Variants in ATP8A2 observed in about 807,000 individuals in gnomAD.
ATP8A2 encodes ATPase phospholipid transporting 8A2.
A neutral mutation model predicts 165.6 loss-of-function variants in ATP8A2; 100 were observed. The observed-to-expected ratio is 0.60, with a 90% confidence interval of 0.51 to 0.71. The LOEUF (loss-of-function observed/expected upper bound fraction) is 0.71, where lower values mean the gene tolerates loss of function less well. ATP8A2 is among the 30% of genes least tolerant of loss of function. ATP8A2 has a pLI of 0.00. For missense variants in ATP8A2, 1,227 were observed against 1,479.5 expected (o/e 0.83, Z 2.80); for synonymous variants, 543 against 548.8 (o/e 0.99, Z 0.15).
At chr13:25,700,728 G>A (rs1471817607) in intron 25 of ATP8A2, among the ~76,000 whole-genome samples, 2 of 152,176 alleles carry the variant, frequency 1.3e-5, no homozygotes, top group African/African-American at 4.8e-5. Context: ...CCTAGAAATG[G>A]AGTTGCTGGG....
chr13:25,578,895 G>A lies in ATP8A2; in HGVS notation c.1863G>A (p.Thr621=), dbSNP rs377192318. Residue 621 remains threonine, a synonymous_variant, in exon 21 of 37, where the codon ACG becomes ACA. Transcript: ENST00000381655. The stretch of plus-strand genomic sequence containing the variant: ...TATGCCATCTGGAATACTTTGCCAC[G>A]GAAGGTAAGTGGAATTTGGAAATGC... ...ETLCHLEYFA[T]EGLRTLCVAY... 40 of 1,605,316 alleles carry A rather than the reference G, an allele frequency of 2.5e-5. No homozygotes were observed. The highest frequency in any genetic ancestry group is 2.1e-4 in the African/African-American group (16 of 74,770).
chr13:25,456,533 C>T (rs759858985), intron 1 of ATP8A2, among the ~76,000 whole-genome samples: 2 of 152,200 alleles, frequency 1.3e-5, no homozygotes, highest in Non-Finnish European at 2.9e-5. Context: ...GGGGATCTAA[C>T]CCAACCCAAG....
At chr13:25,480,889 A>T (rs548795624) in intron 2 of ATP8A2, among the ~76,000 whole-genome samples, 2 of 151,886 alleles carry the variant, frequency 1.3e-5, no homozygotes, top group East Asian at 1.9e-4. Flanking sequence ...TGAACCAGAC[A>T]CCGTCTGCAA....
Position 25,828,118 on chromosome 13 carries a change from C to G in ATP8A2, c.2680C>G (p.Leu894Val). The G allele has an allele frequency of 1.9e-6, 3 of 1,613,278 alleles. No homozygotes were observed. The highest frequency in any genetic ancestry group is 2.5e-6 in the Non-Finnish European group (3 of 1,179,232). Residue 894 changes from leucine to valine, a missense_variant and splice_region_variant, in exon 28 of 37, where the codon CTT becomes GTT. Leu to Val is a conservative substitution (Grantham distance 32). This residue lies in a region of ATP8A2 where 592 missense variants were observed against 785.6 expected (regional missense o/e 0.75). Transcript: ENST00000381655. ...CTTCATGAGCTTTCTTCTCTTTCAG[C>G]TTTGGTTCGCCTTTGTTAATGGATT... ...YKNVVLYIIELWFAFVNGFSG... is the reference protein window; with the variant it reads ...YKNVVLYIIEVWFAFVNGFSG...
chr13:25,901,507 T>C (rs1953746280), intron 33 of ATP8A2, among the ~76,000 whole-genome samples: 1 of 151,258 alleles, frequency 6.6e-6, no homozygotes, highest in African/African-American at 2.4e-5. Context: ...ATATTATATA[T>C]ACATAATTTA....
At chr13:25,429,371 TAAAAAA>T (rs751056483) in intron 1 of ATP8A2, among the ~76,000 whole-genome samples, 81,299 of 126,230 alleles carry the variant, frequency 0.64, 26,975 homozygotes, top group East Asian at 0.98. Context: ...GACTCCATCT[TAAAAAA>T]AAAAAAAAAA....
intron 35 of ATP8A2, among the ~76,000 whole-genome samples, chr13:25,969,992 G>A (rs901236536): frequency 1.3e-5 from 2 of 151,464 alleles, no homozygotes; most frequent in African/African-American, 4.9e-5. Flanking sequence ...TTTGAGACCT[G>A]AAAAAAAACA....
intron 33 of ATP8A2, among the ~76,000 whole-genome samples, chr13:25,940,125 C>T (rs1046394941): frequency 6.6e-6 from 1 of 152,160 alleles, no homozygotes; most frequent in African/African-American, 2.4e-5. Flanking sequence ...CTCTCCTTTG[C>T]TGACTTCCCG....
At chr13:25,974,851 G>T (rs1955995561) in intron 35 of ATP8A2, among the ~76,000 whole-genome samples, 1 of 152,070 alleles carries the variant, frequency 6.6e-6, no homozygotes, top group Non-Finnish European at 1.5e-5. Context: ...GGTCCCTTGG[G>T]GTGGTGCCTG....
chr13:25,914,513 A>G (rs888803296), intron 33 of ATP8A2, among the ~76,000 whole-genome samples: 31 of 152,118 alleles, frequency 2.0e-4, no homozygotes, highest in Non-Finnish European at 4.6e-4. Flanking sequence ...AGGTTTTTTT[A>G]TGCTCTTACT....
chr13:25,778,569 G>A lies in ATP8A2; in HGVS notation c.2679+3610G>A, dbSNP rs17082737. Among the ~76,000 whole-genome samples, 692 of 152,232 alleles carry A rather than the reference G, an allele frequency of 4.5e-3. 4 individuals carry two copies. The highest frequency in any genetic ancestry group is 0.016 in the African/African-American group (647 of 41,530). ...TAGTTTCACTTCCTTGACCATCTCC[G>A]CTGTAGCTAGGATACGATTTCTGAA... On this transcript the variant is annotated intron_variant, in intron 27 of 36. Transcript: ENST00000381655.
chr13:25,764,442 T>A (rs2044449398), intron 25 of ATP8A2, among the ~76,000 whole-genome samples: 1 of 152,270 alleles, frequency 6.6e-6, no homozygotes, highest in South Asian at 2.1e-4. Context: ...TATCTTATGC[T>A]ATGGAAATTC....
chr13:25,907,521 ATACAG>A (rs1242098922), intron 33 of ATP8A2, among the ~76,000 whole-genome samples: 8 of 152,222 alleles, frequency 5.3e-5, no homozygotes, highest in African/African-American at 1.9e-4. Context: ...GTTTTCATTC[ATACAG>A]TAAAGAGGTT....
At chr13:25,747,078 A>G (rs931749079) in intron 25 of ATP8A2, among the ~76,000 whole-genome samples, 1 of 152,172 alleles carries the variant, frequency 6.6e-6, no homozygotes, top group Non-Finnish European at 1.5e-5. Flanking sequence ...GGGTTTTTAA[A>G]TTATTTTCTA....
At chr13:25,454,559 G>A (rs942409529) in intron 1 of ATP8A2, among the ~76,000 whole-genome samples, 2 of 152,156 alleles carry the variant, frequency 1.3e-5, no homozygotes, top group East Asian at 1.9e-4. Flanking sequence ...GTCTCAGACC[G>A]CACTGCCCAT....
intron 24 of ATP8A2, among the ~76,000 whole-genome samples, chr13:25,610,887 T>TG (rs1471982752): frequency 1.3e-5 from 2 of 150,124 alleles, no homozygotes; most frequent in Non-Finnish European, 3.0e-5. Flanking sequence ...ATATTCCTTT[T>TG]TTTTTTTTTT....
At chr13:26,006,526 G>A (rs377133736) in intron 35 of ATP8A2, among the ~76,000 whole-genome samples, 19 of 151,884 alleles carry the variant, frequency 1.3e-4, no homozygotes, top group African/African-American at 4.4e-4. Context: ...AACTGCTTTG[G>A]TTAGAACTTC....
chr13:25,862,262 G>C, intron 32 of ATP8A2, 39 bp from the exon 33 acceptor site: 1 of 1,487,072 alleles, frequency 6.7e-7, no homozygotes, highest in Admixed American at 1.7e-5. Context: ...CTGCCAGGCT[G>C]GTCGAGAAGC....
intron 33 of ATP8A2, among the ~76,000 whole-genome samples, chr13:25,937,937 T>C (rs1954960847): frequency 6.6e-6 from 1 of 151,282 alleles, no homozygotes; most frequent in East Asian, 1.9e-4. Flanking sequence ...ATATTATTTA[T>C]ATATTAATCC....
Sources: gnomAD v4.1 joint callset for allele counts (sites outside exome capture counted in the v4.1 genomes callset) on GRCh38, gnomAD v4.1.1 for gene constraint, gnomAD v4.1.1 regional missense constraint, MANE v1.5 for transcripts, NCBI Gene and HGNC (gene_info 2026-07-23, HGNC 2026-07-21) for gene names.